The following LRP12 variants were observed in gnomAD, a reference collection of about 807,000 sequenced individuals.
LRP12 encodes the protein LDL receptor related protein 12.
Under a neutral mutation model 66.0 loss-of-function variants are expected in LRP12, and 14 were observed. The ratio of observed to expected loss-of-function variants is 0.21; its 90% CI spans 0.14 to 0.33. LRP12 has a LOEUF of 0.33. Among genes scored for constraint, LRP12 ranks in the 10% least tolerant of loss-of-function variants. The pLI, the probability that LRP12 is intolerant of heterozygous loss-of-function variation, is 1.00. For synonymous variants in LRP12, 357 were observed against 359.1 expected (o/e 0.99, Z 0.07); for missense variants, 889 against 1,053.4 (o/e 0.84, Z 2.16).
intron 3 of LRP12, chr8:104,506,533 T>C (rs530568379): frequency 1.3e-5 from 2 of 152,292 alleles, no homozygotes; most frequent in South Asian, 4.1e-4. Context: ...TGGTTCAGAG[T>C]ATTACAGATC....
chr8:104,553,795 G>A (rs1208445581), intron 1 of LRP12, among the ~76,000 whole-genome samples: 2 of 152,190 alleles, frequency 1.3e-5, no homozygotes, highest in Non-Finnish European at 2.9e-5. Context: ...TCTCTTGAAA[G>A]TGCCACCTCC....
At chr8:104,523,727 A>C (rs1193870098) in intron 2 of LRP12, among the ~76,000 whole-genome samples, 3 of 152,200 alleles carry the variant, frequency 2.0e-5, no homozygotes, top group African/African-American at 4.8e-5. Context: ...AGTGCTCCCA[A>C]GAAGCAAAGG....
intron 2 of LRP12, among the ~76,000 whole-genome samples, chr8:104,531,272 TTGACAGCAAAA>T (rs1811321401): frequency 6.6e-6 from 1 of 152,162 alleles, no homozygotes; most frequent in African/African-American, 2.4e-5. Context: ...GTAACTGTGG[TTGACAGCAAAA>T]ATGGTAACGG....
intron 1 of LRP12, 85 bp from the exon 2 acceptor site, chr8:104,532,048 T>C (rs952507495): frequency 2.7e-6 from 2 of 750,198 alleles, no homozygotes; most frequent in South Asian, 1.8e-5. Flanking sequence ...GAGAAACAAC[T>C]ACATAGAGTT....
chr8:104,536,524 T>C (rs1316478203), intron 1 of LRP12, among the ~76,000 whole-genome samples: 2 of 152,094 alleles, frequency 1.3e-5, no homozygotes, highest in Non-Finnish European at 2.9e-5. Flanking sequence ...TAGCAGGGAA[T>C]ACTTAGTCCA....
chr8:104,556,959 T>C (rs1250701318), intron 1 of LRP12, among the ~76,000 whole-genome samples: 2 of 152,126 alleles, frequency 1.3e-5, no homozygotes, highest in African/African-American at 4.8e-5. Context: ...TAGTTTAACA[T>C]ACACAAGTCA....
chr8:104,540,458 C>A (rs1333548463), intron 1 of LRP12, among the ~76,000 whole-genome samples: 1 of 152,064 alleles, frequency 6.6e-6, no homozygotes, highest in East Asian at 1.9e-4. Flanking sequence ...TCAGTACATT[C>A]TTCTAAGGAA....
At chr8:104,584,138 G>A (rs900942126) in intron 1 of LRP12, among the ~76,000 whole-genome samples, 1 of 152,010 alleles carries the variant, frequency 6.6e-6, no homozygotes, top group Non-Finnish European at 1.5e-5. Flanking sequence ...AAAAAGCAGG[G>A]AGTGATAAGG....
intron 1 of LRP12, among the ~76,000 whole-genome samples, chr8:104,552,407 T>C (rs1211185191): frequency 6.6e-6 from 1 of 151,528 alleles, no homozygotes; most frequent in Non-Finnish European, 1.5e-5. Context: ...TGGTGGTTCA[T>C]GCCTGTAATC....
intron 2 of LRP12, among the ~76,000 whole-genome samples, chr8:104,525,507 A>G (rs1811220785): frequency 1.3e-5 from 2 of 152,202 alleles, no homozygotes; most frequent in South Asian, 2.1e-4. Flanking sequence ...ATTAGAAATT[A>G]GTAATTCCCC....
At chr8:104,555,813 T>C (rs912040480) in intron 1 of LRP12, among the ~76,000 whole-genome samples, 2 of 152,094 alleles carry the variant, frequency 1.3e-5, no homozygotes, top group Non-Finnish European at 2.9e-5. Context: ...ACAAATGGAC[T>C]TAACAGATAT....
At position 104,499,352 on chromosome 8, in the gene LRP12, A is replaced by G. The variant is rs2140834567; in HGVS notation, c.440T>C (p.Ile147Thr). ...IWIRFHSDDN[I>T]SRKGFRLAYF... Reference sequence around the variant, plus strand: ...TGCCAGTCTGAAACCCTTTCTAGAGATGTTGTCATCCGAATGAAACCTAAT... The same window carrying G: ...TGCCAGTCTGAAACCCTTTCTAGAGGTGTTGTCATCCGAATGAAACCTAAT... Residue 147 changes from isoleucine to threonine, a missense_variant, in exon 4 of 7, where the codon ATC becomes ACC. By Grantham distance (89) the Ile-to-Thr change is moderately conservative. Coordinates refer to ENST00000276654, the MANE Select transcript of LRP12 (RefSeq NM_013437.5). The G allele has an allele frequency of 6.2e-7, 1 of 1,613,568 alleles. No homozygotes were observed. Among genetic ancestry groups the G allele is most frequent in the East Asian group, 2.2e-5 (1 of 44,840 alleles).
chr8:104,545,225 T>C (rs899854934), intron 1 of LRP12, among the ~76,000 whole-genome samples: 3 of 152,176 alleles, frequency 2.0e-5, no homozygotes, highest in Non-Finnish European at 4.4e-5. Context: ...AAAACTTTAA[T>C]GGATGAGGAG....
At chr8:104,584,815 G>T (rs944649197) in intron 1 of LRP12, among the ~76,000 whole-genome samples, 1 of 152,122 alleles carries the variant, frequency 6.6e-6, no homozygotes, top group African/African-American at 2.4e-5. Flanking sequence ...ACTTGACTTT[G>T]TAAGAAGTAA....
chr8:104,580,358 T>TAAAA (rs774764260), intron 1 of LRP12, among the ~76,000 whole-genome samples: 2 of 92,196 alleles, frequency 2.2e-5, no homozygotes, highest in Non-Finnish European at 4.5e-5. Context: ...CTACTAAAAA[T>TAAAA]AAAAAAAAAA....
intron 1 of LRP12, 67 bp from the exon 2 acceptor site, chr8:104,532,030 C>A (rs1386292655): frequency 2.1e-6 from 2 of 968,134 alleles, no homozygotes; most frequent in South Asian, 3.2e-5. Flanking sequence ...CAGATCCTCC[C>A]TTTAAAAGAG....
chr8:104,539,914 T>A (rs1811449821), intron 1 of LRP12, among the ~76,000 whole-genome samples: 2 of 152,250 alleles, frequency 1.3e-5, no homozygotes, highest in South Asian at 4.2e-4. Flanking sequence ...ACATATTTTT[T>A]TACTACCTGT....
chr8:104,566,205 T>A, intron 1 of LRP12: 1 of 680,520 alleles, frequency 1.5e-6, no homozygotes. Context: ...TCCCTGAAAA[T>A]GCAGCACATA....
intron 1 of LRP12, among the ~76,000 whole-genome samples, chr8:104,568,996 A>T (rs1433565220): frequency 6.6e-6 from 1 of 152,198 alleles, no homozygotes; most frequent in African/African-American, 2.4e-5. Flanking sequence ...CATTATTCAT[A>T]ATAGTCCCAA....
Sources: allele counts gnomAD v4.1 joint callset (sites outside exome capture counted in the v4.1 genomes callset), GRCh38; gene constraint gnomAD v4.1.1; transcripts MANE v1.5; gene names NCBI Gene and HGNC (gene_info 2026-07-23, HGNC 2026-07-21).